Variants in TCAIM observed in about 807,000 individuals in gnomAD.
TCAIM encodes the protein T cell activation inhibitor, mitochondrial, also known as T-cell activation inhibitor, mitochondrial.
TCAIM carries 36 observed loss-of-function variants against 58.6 expected under a neutral mutation model. The ratio of observed to expected loss-of-function variants is 0.61; its 90% CI spans 0.47 to 0.81. The LOEUF is 0.81. Among genes scored for constraint, TCAIM ranks in the 30% least tolerant of loss-of-function variants. The probability of loss-of-function intolerance (pLI) is 0.00; values close to 1 mark genes in which losing one functional copy is unlikely to be tolerated. For missense variants in TCAIM, 466 were observed against 579.6 expected (o/e 0.80, Z 2.01); for synonymous variants, 172 against 193.6 (o/e 0.89, Z 0.93).
intron 5 of TCAIM, among the ~76,000 whole-genome samples, chr3:44,392,420 G>T (rs1419916304): frequency 6.6e-6 from 1 of 152,032 alleles, no homozygotes; most frequent in Non-Finnish European, 1.5e-5. Context: ...AGTTTATTCT[G>T]TTACCTAGGT....
intron 1 of TCAIM, among the ~76,000 whole-genome samples, chr3:44,349,840 G>A (rs1260344441): frequency 6.9e-6 from 1 of 144,210 alleles, no homozygotes; most frequent in Non-Finnish European, 1.5e-5. Context: ...TTGAGGGATA[G>A]TGAGAGAGGT....
intron 5 of TCAIM, among the ~76,000 whole-genome samples, chr3:44,373,803 T>C (rs1243838235): frequency 2.6e-5 from 4 of 152,230 alleles, no homozygotes; most frequent in Admixed American, 6.5e-5. Context: ...GGGTATATTC[T>C]TTGATTATCA....
chr3:44,338,363 T>A (rs1700762156), upstream of TCAIM: 1 of 152,440 alleles, frequency 6.6e-6, no homozygotes, highest in East Asian at 1.9e-4. Flanking sequence ...GCGGCGAAGG[T>A]GCAGCAGTTA....
rs754463196 is a variant in TCAIM at position 44,396,453 on chromosome 3, G to A, written c.749G>A (p.Ser250Asn). 1.9e-6 allele frequency: 3 copies of A among 1,613,852 alleles called. No homozygotes were observed. The highest frequency in any genetic ancestry group is 2.5e-6 in the Non-Finnish European group (3 of 1,179,994). Residue 250 changes from serine to asparagine, a missense_variant, in exon 7 of 11, where the codon AGC (serine) becomes AAC (asparagine). Ser to Asn is a conservative substitution (Grantham distance 46). Transcript: ENST00000342649. ...AHRCSQLHSL[S>N]RLAQQNLETL... ...CGCTGTAGCCAGCTGCATAGTTTAA[G>A]CCGCTTAGCACAGCAGAATTTGGAA...
intron 1 of TCAIM, among the ~76,000 whole-genome samples, chr3:44,342,621 A>G (rs1700876576): frequency 6.6e-6 from 1 of 152,150 alleles, no homozygotes; most frequent in African/African-American, 2.4e-5. Context: ...AAATGTAGCC[A>G]GACTTGAACC....
intron 8 of TCAIM, 87 bp from the exon 9 acceptor site, chr3:44,400,268 G>T: frequency 9.7e-7 from 1 of 1,025,918 alleles, no homozygotes. Context: ...TGTTAAAAAT[G>T]TCTTAATGCC....
chr3:44,400,960 G>A, intron 9 of TCAIM: 1 of 525,126 alleles, frequency 1.9e-6, no homozygotes, highest in South Asian at 2.2e-5. Context: ...CAACCTCACT[G>A]TGCAGCAGGT....
At position 44,398,019 on chromosome 3, in the gene TCAIM, G is replaced by GA. The variant is rs1020582126; in HGVS notation, c.885+1196dup. 6.0e-3 allele frequency among the ~76,000 whole-genome samples: 768 copies of GA among 128,770 alleles called. 7 individuals carry two copies. The highest frequency in any genetic ancestry group is 0.018 in the African/African-American group (644 of 34,892). The allele number at this position is 128,770 out of a possible 152,430, so 84.5% of individuals were successfully genotyped here. On this transcript the variant is annotated intron_variant, in intron 8 of 10. Coordinates refer to ENST00000342649, the MANE Select transcript of TCAIM (RefSeq NM_173826.4). ...AATCTAAAACTCTCAAAATTCAGCA[G>GA]AAAAAAAAAAACAACTAAAAAGGGC...
At chr3:44,356,726 GA>G (rs1281530291) in intron 2 of TCAIM, among the ~76,000 whole-genome samples, 1 of 151,698 alleles carries the variant, frequency 6.6e-6, no homozygotes, top group African/African-American at 2.4e-5. Context: ...AGTACTTTGG[GA>G]GGCTGAGGCG....
chr3:44,347,179 A>T (rs919512339), intron 1 of TCAIM, among the ~76,000 whole-genome samples: 55 of 152,266 alleles, frequency 3.6e-4, no homozygotes, highest in African/African-American at 1.1e-3. Flanking sequence ...TAGGTAACAG[A>T]TGAGGAAGAA....
At chr3:44,354,061 G>T (rs1482968159) in intron 1 of TCAIM, among the ~76,000 whole-genome samples, 1 of 152,034 alleles carries the variant, frequency 6.6e-6, no homozygotes, top group East Asian at 1.9e-4. Context: ...TTTATATTTA[G>T]GTCTGTGACC....
At chr3:44,352,413 G>C (rs1176303383) in intron 1 of TCAIM, among the ~76,000 whole-genome samples, 7 of 152,132 alleles carry the variant, frequency 4.6e-5, no homozygotes. Flanking sequence ...TATTGGAAAA[G>C]TTCATGTGAT....
At chr3:44,379,817 C>G (rs1701627204) in intron 5 of TCAIM, among the ~76,000 whole-genome samples, 1 of 152,074 alleles carries the variant, frequency 6.6e-6, no homozygotes, top group African/African-American at 2.4e-5. Context: ...CAAACCCCAG[C>G]ACGTTACGTT....
Position 44,354,814 on chromosome 3 carries a change from A to C in TCAIM, c.29+3A>C. 6.2e-7 allele frequency: 1 copy of C among 1,611,060 alleles called. No homozygotes were observed. Among genetic ancestry groups the C allele is most frequent in the Non-Finnish European group, 8.5e-7 (1 of 1,179,356 alleles). On this transcript the variant is annotated splice_donor_region_variant and intron_variant, in intron 2 of 10. Transcript: ENST00000342649. ...TGCCACCTGAGACCTATGAGGAGGTAAGCATCATGGTCCAATCTGTAATTA... is the reference window on the plus strand; with the variant it reads ...TGCCACCTGAGACCTATGAGGAGGTCAGCATCATGGTCCAATCTGTAATTA...
At chr3:44,358,132 A>G in intron 3 of TCAIM, 1 of 1,484,408 alleles carries the variant, frequency 6.7e-7, no homozygotes, top group Non-Finnish European at 8.9e-7. Flanking sequence ...TTTGGTACCA[A>G]TTTTTGAAGT....
At chr3:44,343,833 T>A (rs1486920210) in intron 1 of TCAIM, among the ~76,000 whole-genome samples, 2 of 152,232 alleles carry the variant, frequency 1.3e-5, no homozygotes, top group African/African-American at 4.8e-5. Context: ...GGTAACATTT[T>A]ATTTTTGTTG....
At chr3:44,353,409 A>C (rs1559561687) in intron 1 of TCAIM, among the ~76,000 whole-genome samples, 1 of 152,196 alleles carries the variant, frequency 6.6e-6, no homozygotes, top group Non-Finnish European at 1.5e-5. Flanking sequence ...TGTTGTGTGG[A>C]CATAGTTTTC....
intron 5 of TCAIM, among the ~76,000 whole-genome samples, chr3:44,373,374 G>T (rs1701510786): frequency 6.6e-6 from 1 of 151,998 alleles, no homozygotes; most frequent in African/African-American, 2.4e-5. Flanking sequence ...ATGATAAAAT[G>T]AAAGCTTTAG....
intron 5 of TCAIM, among the ~76,000 whole-genome samples, chr3:44,392,209 C>A (rs926033895): frequency 6.6e-6 from 1 of 152,084 alleles, no homozygotes; most frequent in Non-Finnish European, 1.5e-5. Flanking sequence ...CTCCAAGCAA[C>A]TTATTTTAAA....
Sources: allele counts gnomAD v4.1 joint callset (sites outside exome capture counted in the v4.1 genomes callset), GRCh38; gene constraint gnomAD v4.1.1; transcripts MANE v1.5; gene names NCBI Gene and HGNC (gene_info 2026-07-23, HGNC 2026-07-21).